CSMD1: variants seen among roughly 807,000 people sequenced by gnomAD.
CSMD1 encodes the protein CUB and Sushi multiple domains 1.
Under a neutral mutation model 417.5 loss-of-function variants are expected in CSMD1, and 213 were observed. The ratio of observed to expected loss-of-function variants is 0.51; its 90% confidence interval spans 0.46 to 0.57. The LOEUF (loss-of-function observed/expected upper bound fraction) is 0.57, where lower values mean the gene tolerates loss of function less well. Ranked by LOEUF, CSMD1 falls within the 20% of genes least tolerant of loss-of-function variation. CSMD1 has a pLI of 0.00. For synonymous variants in CSMD1, 2,862 were observed against 1,736.8 expected (o/e 1.65, Z -16.11); for missense variants, 6,923 against 4,529.7 (o/e 1.53, Z -15.17).
intron 10 of CSMD1, among the ~76,000 whole-genome samples, chr8:3,538,921 C>T (rs574368425): frequency 3.9e-5 from 6 of 152,266 alleles, no homozygotes; most frequent in East Asian, 1.9e-4. Context: ...TGCACACAGC[C>T]GCCAGAGCAA....
chr8:4,671,038 A>G (rs1805289448), intron 1 of CSMD1, among the ~76,000 whole-genome samples: 1 of 152,220 alleles, frequency 6.6e-6, no homozygotes, highest in Admixed American at 6.5e-5. Context: ...ATCCACTAAT[A>G]ATTCTCAACA....
At chr8:4,959,278 T>C (rs1243384647) in intron 1 of CSMD1, among the ~76,000 whole-genome samples, 2 of 152,180 alleles carry the variant, frequency 1.3e-5, no homozygotes, top group Admixed American at 6.5e-5. Context: ...AAAAGCTAAG[T>C]AGATATGTAA....
chr8:3,308,731 A>ATTTT (rs750152499), intron 23 of CSMD1, among the ~76,000 whole-genome samples: 1 of 75,882 alleles, frequency 1.3e-5, no homozygotes. Context: ...CCTACTTACA[A>ATTTT]GTTTTTTTTT....
chr8:4,787,664 G>T (rs893844199), intron 1 of CSMD1: 2 of 1,587,808 alleles, frequency 1.3e-6, no homozygotes, highest in East Asian at 2.2e-5. Context: ...TGTCAAGGAA[G>T]GATATAAGTT....
intron 1 of CSMD1, among the ~76,000 whole-genome samples, chr8:4,889,224 G>C (rs946935608): frequency 1.3e-5 from 2 of 152,084 alleles, no homozygotes; most frequent in Non-Finnish European, 2.9e-5. Context: ...GTATCAGTAG[G>C]AATGACTCTG....
intron 13 of CSMD1, among the ~76,000 whole-genome samples, 170 bp from the exon 14 acceptor site, chr8:3,408,395 A>G (rs1812479126): frequency 2.0e-5 from 3 of 152,138 alleles, no homozygotes; most frequent in Non-Finnish European, 1.5e-5. Flanking sequence ...TCCTTTCCTA[A>G]TTTGTAAGTC....
chr8:3,118,529 G>C lies in CSMD1; in HGVS notation c.6300C>G (p.Asn2100Lys), dbSNP rs368372768. ...CTGATTGCCCCACGCTGTAATCCGA[G>C]TTGATCATGTACCCATTCTGAAATG... is the stretch of plus-strand genomic sequence containing the variant. The part of the protein sequence containing the change: ...PPPFQNGYMI[N>K]SDYSVGQSVS... Residue 2100 changes from asparagine (N) to lysine (K), a missense_variant, in exon 42 of 70, where the codon AAC (asparagine) becomes AAG (lysine). Asn to Lys is a moderately conservative substitution (Grantham distance 94). Transcript: ENST00000635120. The C allele has an allele frequency of 1.2e-6, 2 of 1,613,816 alleles. No individual in the cohort carries two copies. The highest frequency in any genetic ancestry group is 1.7e-6 in the Non-Finnish European group (2 of 1,179,872).
In CSMD1 at chr8:2,938,492, G is replaced by C. The variant is rs772712865; in HGVS notation, c.*93C>G. 17 of 1,239,568 alleles carry C rather than the reference G, an allele frequency of 1.4e-5. No homozygotes were observed. Among genetic ancestry groups the C allele is most frequent in the East Asian group, 2.5e-5 (1 of 39,480 alleles). The allele number at this position is 1,239,568 out of a possible 1,614,324, so 76.8% of individuals were successfully genotyped here. ...GTTGAAGATCGCTGCAGTAAAGCCAGAGTGGAAGGGAGAGTGGTATATGGC... is the reference window on the plus strand; with the variant it reads ...GTTGAAGATCGCTGCAGTAAAGCCACAGTGGAAGGGAGAGTGGTATATGGC... On this transcript the variant is annotated 3_prime_UTR_variant, in exon 70 of 70. Transcript: ENST00000635120.
intron 3 of CSMD1, among the ~76,000 whole-genome samples, chr8:4,146,902 C>G (rs1190220478): frequency 1.3e-5 from 2 of 151,502 alleles, no homozygotes; most frequent in Non-Finnish European, 2.9e-5. Flanking sequence ...TGTGAGCCAC[C>G]GCACCGGCCA....
intron 42 of CSMD1, 51 bp from the exon 43 acceptor site, chr8:3,110,386 G>A (rs1816432375): frequency 2.8e-6 from 4 of 1,446,132 alleles, no homozygotes; most frequent in Non-Finnish European, 3.7e-6. Flanking sequence ...ATTTTAGAGA[G>A]TAGAAAGCTA....
intron 5 of CSMD1, among the ~76,000 whole-genome samples, chr8:3,981,968 G>A (rs540171782): frequency 6.6e-6 from 1 of 151,858 alleles, no homozygotes; most frequent in African/African-American, 2.4e-5. Context: ...TCAGGAGATT[G>A]AGACCATCCT....
chr8:3,253,852 T>A (rs977304892), intron 26 of CSMD1, among the ~76,000 whole-genome samples: 8 of 152,206 alleles, frequency 5.3e-5, no homozygotes, highest in Non-Finnish European at 8.8e-5. Flanking sequence ...TGTCTTTTAG[T>A]TGGAGCATTT....
chr8:3,074,515 G>A (rs1813511048), intron 49 of CSMD1, among the ~76,000 whole-genome samples: 1 of 152,176 alleles, frequency 6.6e-6, no homozygotes, highest in South Asian at 2.1e-4. Flanking sequence ...ACCTGTAGTG[G>A]AGCAGCCTAT....
At chr8:2,985,620 A>G (rs940461980) in intron 54 of CSMD1, among the ~76,000 whole-genome samples, 1 of 152,248 alleles carries the variant, frequency 6.6e-6, no homozygotes, top group African/African-American at 2.4e-5. Context: ...AATGAAGTAT[A>G]ACTGATAAAG....
At chr8:4,619,059 T>C (rs1801630952) in intron 2 of CSMD1, among the ~76,000 whole-genome samples, 1 of 152,190 alleles carries the variant, frequency 6.6e-6, no homozygotes, top group Non-Finnish European at 1.5e-5. Flanking sequence ...CAAGCATTTT[T>C]TCCCGGTACG....
At chr8:3,658,669 G>C (rs1167311284) in intron 7 of CSMD1, among the ~76,000 whole-genome samples, 1 of 151,938 alleles carries the variant, frequency 6.6e-6, no homozygotes, top group Non-Finnish European at 1.5e-5. Flanking sequence ...TGTAATCCCA[G>C]CTACTCAGGA....
chr8:4,042,601 A>C (rs1186530450), intron 3 of CSMD1, among the ~76,000 whole-genome samples: 1 of 152,006 alleles, frequency 6.6e-6, no homozygotes, highest in East Asian at 1.9e-4. Context: ...AAGCACCAGG[A>C]ATGATACCCG....
At chr8:4,717,953 T>G (rs994096849) in intron 1 of CSMD1, among the ~76,000 whole-genome samples, 33 of 152,142 alleles carry the variant, frequency 2.2e-4, no homozygotes, top group African/African-American at 8.0e-4. Context: ...AATAGTAAAG[T>G]TTATAAAATC....
intron 7 of CSMD1, among the ~76,000 whole-genome samples, chr8:3,678,874 G>A (rs1388523600): frequency 6.6e-6 from 1 of 152,158 alleles, no homozygotes; most frequent in Non-Finnish European, 1.5e-5. Context: ...AAGACTGGGG[G>A]CCAATATTCA....
Sources: allele counts gnomAD v4.1 joint callset (sites outside exome capture counted in the v4.1 genomes callset), GRCh38; gene constraint gnomAD v4.1.1; transcripts MANE v1.5; gene names NCBI Gene and HGNC (gene_info 2026-07-23, HGNC 2026-07-21).